IPO7: variants seen among roughly 807,000 people sequenced by gnomAD.
IPO7 encodes importin 7.
In IPO7, 13 loss-of-function variants were observed where a neutral mutation model predicts 136.4. The observed-to-expected ratio is 0.10, with a 90% CI of 0.06 to 0.15. The LOEUF (loss-of-function observed/expected upper bound fraction) is 0.15. IPO7 is among the 10% of genes least tolerant of loss of function. The pLI, the probability that IPO7 is intolerant of heterozygous loss-of-function variation, is 1.00. For missense variants in IPO7, 857 were observed against 1,240.6 expected (o/e 0.69, Z 4.65); for synonymous variants, 403 against 404.4 (o/e 1.00, Z 0.04).
chr11:9,418,175 A>T (rs1246219414), intron 6 of IPO7, among the ~76,000 whole-genome samples: 1 of 151,508 alleles, frequency 6.6e-6, no homozygotes, highest in East Asian at 1.9e-4. Context: ...GGTTCAAGCA[A>T]TTCCCTGCCT....
At chr11:9,427,256 G>A (rs7101745) in intron 12 of IPO7, among the ~76,000 whole-genome samples, 147,997 of 152,308 alleles carry the variant, frequency 0.97, 72,216 homozygotes, top group Middle Eastern at 1. Context: ...TAGTCATTGT[G>A]TCTTTTATCT....
At chr11:9,433,496 A>G (rs1855328317) in intron 16 of IPO7, 74 bp from the exon 17 acceptor site, 2 of 985,490 alleles carry the variant, frequency 2.0e-6, no homozygotes, top group South Asian at 1.3e-5. Context: ...AGTGTACTGA[A>G]TTATAATATG....
Position 9,417,072 on chromosome 11 carries a change from TG to T in IPO7, c.652del (p.Glu218AsnfsTer2). The T allele has an allele frequency of 6.6e-7, 1 of 1,520,466 alleles. No individual in the cohort carries two copies. Among genetic ancestry groups the T allele is most frequent in the Non-Finnish European group, 9.1e-7 (1 of 1,097,092 alleles). 94.2% of individuals were successfully genotyped at this position (1,520,466 alleles called of 1,614,324 possible). A position where few individuals can be genotyped will look rare whatever the true frequency, so the allele number is the denominator to read the frequency against. Reference protein sequence around the residue: ...FYALVQYTLPLELINQQNLTE... With the variant: ...FYALVQYTLPXELINQQNLTE... ...ACTTTTATTTAGTATACACTACCAC[TG>T]GAACTGATAAACCAACAGAACCTGA... On this transcript the variant is annotated frameshift_variant, in exon 6 of 25. Coordinates refer to ENST00000379719, the MANE Select transcript of IPO7 (RefSeq NM_006391.3). LOFTEE classifies it high-confidence loss of function.
intron 4 of IPO7, among the ~76,000 whole-genome samples, chr11:9,413,036 C>T (rs939599873): frequency 4.5e-4 from 69 of 151,802 alleles, no homozygotes; most frequent in African/African-American, 1.6e-3. Flanking sequence ...CCCGCCACCA[C>T]GCCCAGCTAA....
chr11:9,419,276 G>T (rs116385391), intron 6 of IPO7, among the ~76,000 whole-genome samples: 4 of 151,978 alleles, frequency 2.6e-5, no homozygotes, highest in African/African-American at 7.3e-5. Flanking sequence ...TAGGCTGGGC[G>T]TGGTGGCTTA....
At chr11:9,397,257 G>T (rs1445793500) in intron 1 of IPO7, among the ~76,000 whole-genome samples, 1 of 144,832 alleles carries the variant, frequency 6.9e-6, no homozygotes, top group Non-Finnish European at 1.5e-5. Context: ...TAGGCTGGGC[G>T]CAGTGGATCA....
chr11:9,419,563 T>A (rs866412426), intron 6 of IPO7, among the ~76,000 whole-genome samples: 4,421 of 120,922 alleles, frequency 0.037, 116 homozygotes, highest in African/African-American at 0.061. Flanking sequence ...AAAAAAAATA[T>A]ATATATATAT....
At position 9,411,976 on chromosome 11, in the gene IPO7, T is replaced by C. The variant is rs1854973804; in HGVS notation, c.479+1890T>C. Among the ~76,000 whole-genome samples, 4 of 152,336 alleles carry C rather than the reference T, an allele frequency of 2.6e-5. No homozygotes were observed. In the South Asian group the frequency reaches 8.3e-4, roughly 32 times the overall value. ...GTGATGCATAAATAGAGCTGCATAATATTAGTTCTCACTTTTAGTGTTTAA... is the reference window on the plus strand; with the variant it reads ...GTGATGCATAAATAGAGCTGCATAACATTAGTTCTCACTTTTAGTGTTTAA... On this transcript the variant is annotated intron_variant, in intron 4 of 24. Coordinates refer to ENST00000379719, the MANE Select transcript of IPO7 (RefSeq NM_006391.3).
intron 2 of IPO7, among the ~76,000 whole-genome samples, chr11:9,404,432 A>C (rs915919410): frequency 6.6e-6 from 1 of 151,880 alleles, no homozygotes; most frequent in Non-Finnish European, 1.5e-5. Flanking sequence ...GTCACTGCAC[A>C]CCAGCCTGAG....
rs377148636 is a variant in IPO7, at chr11:9,397,361, T to TATATATATATATATATATATATTA, written c.85-5925_85-5924insATATATATATATATATATTAATAT. 6.6e-3 allele frequency among the ~76,000 whole-genome samples: 279 copies of TATATATATATATATATATATATTA among 42,136 alleles called. 6 individuals are homozygous for TATATATATATATATATATATATTA. Among genetic ancestry groups the TATATATATATATATATATATATTA allele is most frequent in the East Asian group, 0.015 (6 of 406 alleles). 27.6% of individuals were successfully genotyped at this position (42,136 alleles called of 152,430 possible). On this transcript the variant is annotated intron_variant, in intron 1 of 24. Transcript: ENST00000379719. Reference sequence around the variant, plus strand: ...AAAAAAATATATATATATATATATATATATTAGTCGGGCACGGTGGCAGGT... The same window carrying TATATATATATATATATATATATTA: ...AAAAAAATATATATATATATATATATATATATATATATATATATATATTAATATTAGTCGGGCACGGTGGCAGGT...
At chr11:9,422,429 CAA>C (rs1207877640) in intron 8 of IPO7, among the ~76,000 whole-genome samples, 2 of 150,682 alleles carry the variant, frequency 1.3e-5, no homozygotes. Context: ...TAAAAAAAGA[CAA>C]TATCATTATG....
At position 9,395,592 on chromosome 11, in the gene IPO7, A is replaced by G. The variant is rs142432297; in HGVS notation, c.85-7698A>G. 9.2e-5 allele frequency among the ~76,000 whole-genome samples: 14 copies of G among 152,230 alleles called. No homozygotes were observed. In the South Asian group the frequency reaches 1.0e-3, roughly 11 times the overall value. On this transcript the variant is annotated intron_variant, in intron 1 of 24. Coordinates refer to ENST00000379719, the MANE Select transcript of IPO7 (RefSeq NM_006391.3). ...CAAGTCTTCATGTCTTAAGGATTTCAGGTGGGTAGAAATGTGTATGGGGCA... is the reference window on the plus strand; with the variant it reads ...CAAGTCTTCATGTCTTAAGGATTTCGGGTGGGTAGAAATGTGTATGGGGCA...
At chr11:9,417,364 A>G (rs1855055499) in intron 6 of IPO7, among the ~76,000 whole-genome samples, 3 of 152,066 alleles carry the variant, frequency 2.0e-5, no homozygotes, top group Non-Finnish European at 4.4e-5. Context: ...TTTTTTAAAT[A>G]TATTATTGGT....
chr11:9,424,699 C>T (rs1293822234), intron 10 of IPO7, among the ~76,000 whole-genome samples: 3 of 152,226 alleles, frequency 2.0e-5, no homozygotes, highest in East Asian at 3.9e-4. Context: ...GCCGAGATCG[C>T]CCACTGCACT....
chr11:9,437,981 G>C lies in IPO7; in HGVS notation c.2489+7G>C. The C allele has an allele frequency of 1.3e-6, 2 of 1,584,948 alleles. No individual in the cohort carries two copies. The highest frequency in any genetic ancestry group is 1.1e-5 in the South Asian group (1 of 89,608). On this transcript the variant is annotated splice_region_variant and intron_variant, in intron 21 of 24. Coordinates refer to ENST00000379719, the MANE Select transcript of IPO7 (RefSeq NM_006391.3). ...ATGTTGACTGTTTCTTGGGGTAAGT[G>C]ATGTATTGCAATTTTACTACATTTG...
intron 20 of IPO7, 112 bp downstream of exon 20, chr11:9,436,478 A>T: frequency 1.6e-6 from 1 of 611,512 alleles, no homozygotes; most frequent in Non-Finnish European, 2.9e-6. Context: ...GTTTATTGAG[A>T]CATCTAGACA....
At chr11:9,409,862 T>C in intron 3 of IPO7, 66 bp from the exon 4 acceptor site, 1 of 1,269,418 alleles carries the variant, frequency 7.9e-7, no homozygotes, top group Non-Finnish European at 1.1e-6. Context: ...CTATTTTCCT[T>C]TCTATGGGTT....
intron 1 of IPO7, among the ~76,000 whole-genome samples, chr11:9,390,686 C>T (rs576626712): frequency 2.0e-5 from 3 of 152,284 alleles, no homozygotes; most frequent in African/African-American, 7.2e-5. Context: ...CAGTGGCTCA[C>T]GCCTGTAATC....
intron 2 of IPO7, among the ~76,000 whole-genome samples, chr11:9,403,902 T>C (rs1485456157): frequency 6.6e-6 from 1 of 152,138 alleles, no homozygotes; most frequent in Admixed American, 6.6e-5. Context: ...CACTCTGTCC[T>C]CCATGCTGGA....
Sources: allele counts gnomAD v4.1 joint callset (sites outside exome capture counted in the v4.1 genomes callset), GRCh38; gene constraint gnomAD v4.1.1; transcripts MANE v1.5; gene names NCBI Gene and HGNC (gene_info 2026-07-23, HGNC 2026-07-21).